The following EMC2 variants were observed in gnomAD, a reference collection of about 807,000 sequenced individuals.
EMC2 encodes the protein ER membrane protein complex subunit 2.
In EMC2, 37 loss-of-function variants were observed where a neutral mutation model predicts 51.6. The observed-to-expected ratio is 0.72, with a 90% CI of 0.55 to 0.94. EMC2 has a LOEUF of 0.94. EMC2 is among the 40% of genes least tolerant of loss of function. The probability of loss-of-function intolerance (pLI) is 0.00; values close to 1 mark genes in which losing one functional copy is unlikely to be tolerated. For missense variants in EMC2, 359 were observed against 350.9 expected (o/e 1.02, Z -0.18); for synonymous variants, 131 against 112.4 (o/e 1.17, Z -1.04).
At position 108,489,000 on chromosome 8, in the gene EMC2, G is replaced by A. The variant is rs903830481; in HGVS notation, c.*2402G>A. On this transcript the variant is annotated 3_prime_UTR_variant, in exon 11 of 11. Transcript: ENST00000220853. Reference sequence around the variant, plus strand: ...CTTTCTGGCCAACAGCATGCCTAAAGGTGCAGCTGCCATCAAACAACCATG... The same window carrying A: ...CTTTCTGGCCAACAGCATGCCTAAAAGTGCAGCTGCCATCAAACAACCATG... Among the ~76,000 whole-genome samples, 2 of 152,116 alleles carry A rather than the reference G, an allele frequency of 1.3e-5. No individual in the cohort carries two copies. Among genetic ancestry groups the A allele is most frequent in the African/African-American group, 2.4e-5 (1 of 41,412 alleles).
intron 5 of EMC2, among the ~76,000 whole-genome samples, chr8:108,461,332 T>C (rs569815982): frequency 8.5e-5 from 13 of 152,380 alleles, no homozygotes; most frequent in South Asian, 6.2e-4. Flanking sequence ...ACATTTGTTA[T>C]GCTTGCAGTG....
At chr8:108,444,359 T>A (rs1818826710) in intron 1 of EMC2, among the ~76,000 whole-genome samples, 5 of 152,198 alleles carry the variant, frequency 3.3e-5, no homozygotes, top group Admixed American at 3.3e-4. Context: ...CGTAAGTGCT[T>A]ACGTGTGATG....
intron 10 of EMC2, among the ~76,000 whole-genome samples, chr8:108,483,582 A>T (rs1811084371): frequency 6.6e-6 from 1 of 152,156 alleles, no homozygotes; most frequent in Non-Finnish European, 1.5e-5. Context: ...TACTTTGTCT[A>T]CCCATGTATT....
At chr8:108,476,047 G>C in intron 8 of EMC2, 84 bp downstream of exon 8, 1 of 717,264 alleles carries the variant, frequency 1.4e-6, no homozygotes, top group Non-Finnish European at 2.3e-6. Flanking sequence ...TTTCCTTGAT[G>C]TTAAGCAAGT....
intron 5 of EMC2, among the ~76,000 whole-genome samples, chr8:108,457,331 C>CGTGTGTGTGCGT (rs1554617536): frequency 2.3e-5 from 3 of 127,994 alleles, no homozygotes; most frequent in African/African-American, 8.4e-5. Flanking sequence ...CGTGTGTGTG[C>CGTGTGTGTGCGT]GTGTGTGTGT....
chr8:108,481,148 A>G (rs1172962216), intron 10 of EMC2, among the ~76,000 whole-genome samples: 1 of 151,964 alleles, frequency 6.6e-6, no homozygotes, highest in Admixed American at 6.6e-5. Flanking sequence ...TGAAAATGTC[A>G]CCTGTGGGCG....
At chr8:108,452,027 C>G (rs1819036439) in intron 3 of EMC2, among the ~76,000 whole-genome samples, 2 of 152,172 alleles carry the variant, frequency 1.3e-5, no homozygotes, top group Non-Finnish European at 2.9e-5. Context: ...TAGTTAATGG[C>G]ATTGTTTTGG....
rs758083286 is a variant in EMC2 at position 108,449,848 on chromosome 8, G to C, written c.66G>C (p.Trp22Cys). Residue 22 changes from tryptophan to cysteine, a missense_variant, in exon 2 of 11, where the codon TGG becomes TGC. Transcript: ENST00000220853. ...WEEMRDKMRK[W>C]REENSRNSEQ... is the part of the protein sequence containing the mutation. ...AAATGAGAGATAAAATGAGAAAATG[G>C]AGAGAAGAAAACTCAAGAAATAGTG... 1.3e-6 allele frequency: 2 copies of C among 1,568,586 alleles called. No homozygotes were observed. The highest frequency in any genetic ancestry group is 1.8e-6 in the Non-Finnish European group (2 of 1,140,786).
Position 108,465,093 on chromosome 8 carries a change from AT to A in EMC2, c.364-4732del, listed in dbSNP as rs753669294. 3.4e-3 allele frequency among the ~76,000 whole-genome samples: 519 copies of A among 152,322 alleles called. 2 individuals are homozygous for A. Among genetic ancestry groups the A allele is most frequent in the Middle Eastern group, 0.017 (5 of 294 alleles). On this transcript the variant is annotated intron_variant, in intron 5 of 10. Coordinates refer to ENST00000220853, the MANE Select transcript of EMC2 (RefSeq NM_014673.5). ...CAGGTAGCCTATTTAAAATAAAAAA[AT>A]GTATGTCTTTCAGAAAAAATTGCTA...
chr8:108,474,295 A>G (rs1810909093), intron 7 of EMC2: 1 of 151,998 alleles, frequency 6.6e-6, no homozygotes, highest in South Asian at 2.1e-4. Flanking sequence ...AATTTTTGGC[A>G]TCATACTATT....
intron 3 of EMC2, among the ~76,000 whole-genome samples, chr8:108,451,233 C>T (rs1217800735): frequency 6.6e-6 from 1 of 151,644 alleles, no homozygotes; most frequent in East Asian, 1.9e-4. Flanking sequence ...TCAAACAAAC[C>T]TAATACTGCT....
At chr8:108,465,572 G>T (rs1281969277) in intron 5 of EMC2, among the ~76,000 whole-genome samples, 1 of 152,160 alleles carries the variant, frequency 6.6e-6, no homozygotes, top group East Asian at 1.9e-4. Flanking sequence ...GGAGTAAATT[G>T]TTTGTGGTTC....
At chr8:108,475,551 A>G (rs971843168) in intron 7 of EMC2, 1 of 180,818 alleles carries the variant, frequency 5.5e-6, no homozygotes, top group African/African-American at 2.4e-5. Context: ...AAGTTGTTTT[A>G]TATACAGCTT....
Position 108,443,673 on chromosome 8 carries a change from A to G in EMC2, c.15A>G (p.Ser5=). MAKV[S]ELYDVTWEEM... ...GTTCTGGGAAGATGGCGAAGGTCTC[A>G]GAGCTTTACGATGTCACTTGGGAAG... Residue 5 remains serine (S), a synonymous_variant, in exon 1 of 11, where the codon TCA becomes TCG. Coordinates refer to ENST00000220853, the MANE Select transcript of EMC2 (RefSeq NM_014673.5). The G allele has an allele frequency of 6.2e-7, 1 of 1,610,008 alleles. No homozygotes were observed. Among genetic ancestry groups the G allele is most frequent in the South Asian group, 1.1e-5 (1 of 90,122 alleles).
intron 5 of EMC2, among the ~76,000 whole-genome samples, chr8:108,458,686 G>A (rs905828275): frequency 1.3e-5 from 2 of 152,140 alleles, no homozygotes; most frequent in African/African-American, 2.4e-5. Context: ...CCTGGCTCAT[G>A]AAACTACCTT....
At chr8:108,473,892 C>G (rs927666330) in intron 7 of EMC2, 2 of 151,956 alleles carry the variant, frequency 1.3e-5, no homozygotes, top group African/African-American at 4.8e-5. Flanking sequence ...TGTTGAGTCA[C>G]TGTGTGTAAT....
In EMC2 at chr8:108,444,997, A is replaced by T. The variant is rs1258032274; in HGVS notation, c.40+1299A>T. 2.0e-5 allele frequency among the ~76,000 whole-genome samples: 3 copies of T among 152,234 alleles called. No homozygotes were observed. The East Asian group carries it at 5.8e-4, about 29-fold the overall frequency. ...TTTTAAAAAATGTTTTAAATATTACATAATTTTTAGAAAATGCTATTATGA... is the reference window on the plus strand; with the variant it reads ...TTTTAAAAAATGTTTTAAATATTACTTAATTTTTAGAAAATGCTATTATGA... On this transcript the variant is annotated intron_variant, in intron 1 of 10. Coordinates refer to ENST00000220853, the MANE Select transcript of EMC2 (RefSeq NM_014673.5).
At chr8:108,482,426 G>A (rs13271967) in intron 10 of EMC2, among the ~76,000 whole-genome samples, 103,990 of 151,996 alleles carry the variant, frequency 0.68, 36,134 homozygotes, top group African/African-American at 0.81. Flanking sequence ...AAATGTGTTC[G>A]AATGCCTCAG....
chr8:108,468,609 A>G (rs980743729), intron 5 of EMC2, among the ~76,000 whole-genome samples: 3 of 152,130 alleles, frequency 2.0e-5, no homozygotes, highest in African/African-American at 7.2e-5. Flanking sequence ...TTCAGAGCCA[A>G]ATCACTCTCT....
Sources: allele counts gnomAD v4.1 joint callset (sites outside exome capture counted in the v4.1 genomes callset), GRCh38; gene constraint gnomAD v4.1.1; transcripts MANE v1.5; gene names NCBI Gene and HGNC (gene_info 2026-07-23, HGNC 2026-07-21).